The following CCNG2 variants were observed in gnomAD, a reference collection of about 807,000 sequenced individuals.
The protein encoded by CCNG2 is cyclin-G2.
CCNG2 carries 20 observed loss-of-function variants against 36.5 expected under a neutral mutation model. The observed-to-expected ratio is 0.55, with a 90% CI of 0.39 to 0.80. The LOEUF is 0.80. Among genes scored for constraint, CCNG2 ranks in the 30% least tolerant of loss-of-function variants. CCNG2 has a pLI of 0.00. For synonymous variants in CCNG2, 155 were observed against 140.1 expected (o/e 1.11, Z -0.75); for missense variants, 358 against 390.8 (o/e 0.92, Z 0.71).
At position 77,161,206 on chromosome 4, in the gene CCNG2, G is replaced by A. The variant is rs928713039; in HGVS notation, c.527+235G>A. 2.7e-5 allele frequency among the ~76,000 whole-genome samples: 4 copies of A among 148,690 alleles called. No homozygotes were observed. In the East Asian group the frequency reaches 6.0e-4, roughly 22 times the overall value. Reference sequence around the variant, plus strand: ...CAACCTCCACTTCCCGGGTTCAAGCGATTCTCCTGCGTCAGCCTCCCAAGT... The same window carrying A: ...CAACCTCCACTTCCCGGGTTCAAGCAATTCTCCTGCGTCAGCCTCCCAAGT... On this transcript the variant is annotated intron_variant, in intron 4 of 7. Coordinates refer to ENST00000316355, the MANE Select transcript of CCNG2 (RefSeq NM_004354.3).
intron 2 of CCNG2, 102 bp from the exon 3 acceptor site, chr4:77,159,265 C>T (rs1372570951): frequency 1.8e-6 from 2 of 1,086,466 alleles, no homozygotes; most frequent in Non-Finnish European, 2.6e-6. Context: ...AAAAAATTAA[C>T]CTTATTCTTG....
At chr4:77,165,572 G>C (rs1030141575) in intron 7 of CCNG2, among the ~76,000 whole-genome samples, 2 of 151,972 alleles carry the variant, frequency 1.3e-5, no homozygotes, top group Non-Finnish European at 2.9e-5. Flanking sequence ...CTCCCAAAGT[G>C]CTAGGATGAC....
In CCNG2 at chr4:77,157,327, G is replaced by C. The variant is rs1450190620; in HGVS notation, c.-180G>C. On this transcript the variant is annotated 5_prime_UTR_variant, in exon 1 of 8. Transcript: ENST00000316355. ...CGGAGGGTGGGCGCGCGGGGAGCGGGATGGAGCCGGGGCTGTGAGGCCGAG... is the reference window on the plus strand; with the variant it reads ...CGGAGGGTGGGCGCGCGGGGAGCGGCATGGAGCCGGGGCTGTGAGGCCGAG... The C allele has an allele frequency of 6.5e-6, 1 of 152,754 alleles. No homozygotes were observed. The highest frequency in any genetic ancestry group is 1.5e-5 in the Non-Finnish European group (1 of 68,498). 9.5% of individuals were successfully genotyped at this position (152,754 alleles called of 1,614,324 possible).
chr4:77,164,871 TTCTC>T (rs1454166515), intron 7 of CCNG2: 1 of 154,658 alleles, frequency 6.5e-6, no homozygotes, highest in African/African-American at 2.4e-5. Context: ...TTTTCCATCT[TTCTC>T]CTATTTCCCT....
Position 77,169,110 on chromosome 4 carries a change from G to C in CCNG2, c.*3186G>C, listed in dbSNP as rs983428169. The C allele has an allele frequency of 6.6e-6, 1 of 152,176 alleles. No individual in the cohort carries two copies. The highest frequency in any genetic ancestry group is 1.5e-5 in the Non-Finnish European group (1 of 68,032). 9.4% of individuals were successfully genotyped at this position (152,176 alleles called of 1,614,324 possible). On this transcript the variant is annotated 3_prime_UTR_variant, in exon 8 of 8. Transcript: ENST00000316355. ...GGATTAATACATACTCAGGTTAACTGTAGAGAGGCATTGGCTTCAGAACAC... is the reference window on the plus strand; with the variant it reads ...GGATTAATACATACTCAGGTTAACTCTAGAGAGGCATTGGCTTCAGAACAC...
At chr4:77,158,712 G>A (rs1731343029) in intron 2 of CCNG2, 42 bp downstream of exon 2, 1 of 1,608,576 alleles carries the variant, frequency 6.2e-7, no homozygotes, top group Non-Finnish European at 8.5e-7. Flanking sequence ...CAGCTGATGG[G>A]GCTTGGAGGA....
intron 6 of CCNG2, among the ~76,000 whole-genome samples, chr4:77,162,763 A>T (rs1256758010): frequency 6.6e-6 from 1 of 152,050 alleles, no homozygotes; most frequent in Non-Finnish European, 1.5e-5. Context: ...GGAGCAAAAG[A>T]ATCTTTGACA....
chr4:77,160,249 C>T (rs910055509), intron 3 of CCNG2, among the ~76,000 whole-genome samples: 1 of 151,782 alleles, frequency 6.6e-6, no homozygotes, highest in South Asian at 2.1e-4. Context: ...TTATGAATTT[C>T]ATAAGTCTGA....
rs1437777411 is a variant in CCNG2 at position 77,159,364 on chromosome 4, C to T, written c.139-3C>T. ...AAACCTTGGTTCTTGGTTTTTATTG[C>T]AGAATGATAACACTTTGTGTCCAGG... is the stretch of plus-strand genomic sequence containing the variant. On this transcript the variant is annotated splice_polypyrimidine_tract_variant and splice_region_variant and intron_variant, in intron 2 of 7. Coordinates refer to ENST00000316355, the MANE Select transcript of CCNG2 (RefSeq NM_004354.3). 3 of 1,599,780 alleles carry T rather than the reference C, an allele frequency of 1.9e-6. No homozygotes were observed. In the African/African-American group the frequency reaches 4.0e-5, roughly 22 times the overall value.
At chr4:77,163,627 A>C (rs968044938) in intron 6 of CCNG2, among the ~76,000 whole-genome samples, 4 of 152,220 alleles carry the variant, frequency 2.6e-5, no homozygotes, top group Non-Finnish European at 5.9e-5. Flanking sequence ...TCTTCAGTGA[A>C]AATTGATTCG....
rs1173690492 is a variant in CCNG2, at chr4:77,169,917, T to C, written c.*3993T>C. ...GATAAGTGAGACAGATTGCTTGTTA[T>C]TTATGGTCAAATGGTGATTATCTCT... On this transcript the variant is annotated 3_prime_UTR_variant, in exon 8 of 8. Coordinates refer to ENST00000316355, the MANE Select transcript of CCNG2 (RefSeq NM_004354.3). The C allele has an allele frequency of 6.6e-6, 1 of 152,228 alleles. No homozygotes were observed. Among genetic ancestry groups the C allele is most frequent in the Admixed American group, 6.5e-5 (1 of 15,276 alleles). 9.4% of individuals were successfully genotyped at this position (152,228 alleles called of 1,614,324 possible).
Position 77,168,759 on chromosome 4 carries a change from T to C in CCNG2, c.*2835T>C, listed in dbSNP as rs916097889. On this transcript the variant is annotated 3_prime_UTR_variant, in exon 8 of 8. Transcript: ENST00000316355. ...TCACAGACAAGTCCAGGAGCCTGGT[T>C]ATACCCTCCTGTGCCATTCAACCAG... 1 of 152,192 alleles carries C rather than the reference T, an allele frequency of 6.6e-6. No individual in the cohort carries two copies. The highest frequency in any genetic ancestry group is 1.5e-5 in the Non-Finnish European group (1 of 68,044). The allele number at this position is 152,192 out of a possible 1,614,324, so 9.4% of individuals were successfully genotyped here.
In CCNG2 at chr4:77,169,226, G is replaced by A. The variant is rs1225831569; in HGVS notation, c.*3302G>A. On this transcript the variant is annotated 3_prime_UTR_variant, in exon 8 of 8. Coordinates refer to ENST00000316355, the MANE Select transcript of CCNG2 (RefSeq NM_004354.3). ...TTATTTCAACACTAGGTTTCAATAT[G>A]GTGTTCCTGCTACCTCCCACCTCCC... 1 of 151,998 alleles carries A rather than the reference G, an allele frequency of 6.6e-6. No individual in the cohort carries two copies. Among genetic ancestry groups the A allele is most frequent in the African/African-American group, 2.4e-5 (1 of 41,372 alleles). 9.4% of individuals were successfully genotyped at this position (151,998 alleles called of 1,614,324 possible).
chr4:77,167,736 A>AT lies in CCNG2; in HGVS notation c.*1813dup. 6.6e-6 allele frequency: 1 copy of AT among 152,134 alleles called. No individual in the cohort carries two copies. The highest frequency in any genetic ancestry group is 1.9e-4 in the East Asian group (1 of 5,192). 9.4% of individuals were successfully genotyped at this position (152,134 alleles called of 1,614,324 possible). ...GACCTTTGTTTTCTCTAGTTAGAAA[A>AT]TCAGGTACACTGAATATGGTTTTCA... On this transcript the variant is annotated 3_prime_UTR_variant, in exon 8 of 8. Transcript: ENST00000316355.
At chr4:77,161,617 AAT>A (rs1560422804) in intron 5 of CCNG2, 30 bp from the exon 6 acceptor site, 4 of 1,570,444 alleles carry the variant, frequency 2.5e-6, no homozygotes, top group Middle Eastern at 1.9e-4. Flanking sequence ...ATTTTTAAAA[AAT>A]ATTTTTCTTT....
intron 6 of CCNG2, among the ~76,000 whole-genome samples, chr4:77,163,727 T>A (rs553531995): frequency 1.3e-5 from 2 of 152,256 alleles, no homozygotes; most frequent in Non-Finnish European, 2.9e-5. Flanking sequence ...CACTGCCCAG[T>A]GGTGGCGGAA....
rs759748825 is a variant in CCNG2, at chr4:77,164,414, C to T, written c.846C>T (p.Asn282=). Residue 282 remains asparagine, a synonymous_variant, in exon 7 of 8, where the codon AAC becomes AAT. Coordinates refer to ENST00000316355, the MANE Select transcript of CCNG2 (RefSeq NM_004354.3). ...VSRRTAQNLH[N]SYYSVPELPT... is the part of the protein sequence containing the mutation. Reference sequence around the variant, plus strand: ...GGCGCACAGCCCAGAACCTCCACAACAGCTACTATAGTGTTCCTGAGCTGC... The same window carrying T: ...GGCGCACAGCCCAGAACCTCCACAATAGCTACTATAGTGTTCCTGAGCTGC... 1 of 1,614,116 alleles carries T rather than the reference C, an allele frequency of 6.2e-7. No individual in the cohort carries two copies. The highest frequency in any genetic ancestry group is 1.1e-5 in the South Asian group (1 of 91,080).
chr4:77,165,870 G>A lies in CCNG2; in HGVS notation c.981G>A (p.Glu327=), dbSNP rs1731619904. 1 of 1,611,960 alleles carries A rather than the reference G, an allele frequency of 6.2e-7. No individual in the cohort carries two copies. The highest frequency in any genetic ancestry group is 8.5e-7 in the Non-Finnish European group (1 of 1,179,250). The change falls in exon 8 of 8, where the codon GAG becomes GAA. Residue 327 remains glutamate, a synonymous_variant. Transcript: ENST00000316355. ...GCAGCTCTCCTCCCAGTGATCAAGA[G>A]TGCACCTTCTTTTTCAACTTCAAAG... ...SLSSSPPSDQ[E]CTFFFNFKVA... is the part of the protein sequence containing the mutation.
At position 77,161,620 on chromosome 4, in the gene CCNG2, ATTTTTCTTT is replaced by A. The variant is rs749871192; in HGVS notation, c.607-16_607-8del. On this transcript the variant is annotated intron_variant, in intron 5 of 7. Coordinates refer to ENST00000316355, the MANE Select transcript of CCNG2 (RefSeq NM_004354.3). ...TTTGTATTTTGAATTTTTAAAAAAT[ATTTTTCTTT>A]TTTTTCTTTTTTCTTACAGCCATCT... 1.9e-6 allele frequency: 3 copies of A among 1,568,388 alleles called. No individual in the cohort carries two copies. The highest frequency in any genetic ancestry group is 1.2e-5 in the South Asian group (1 of 83,964).
Sources: allele counts gnomAD v4.1 joint callset (sites outside exome capture counted in the v4.1 genomes callset), GRCh38; gene constraint gnomAD v4.1.1; transcripts MANE v1.5; gene names NCBI Gene and HGNC (gene_info 2026-07-23, HGNC 2026-07-21).